Variants in ENTHD1 observed in about 807,000 individuals in gnomAD.
ENTHD1 encodes ENTH domain-containing protein 1.
A neutral mutation model predicts 39.1 loss-of-function variants in ENTHD1; 23 were observed. That is an observed-to-expected ratio of 0.59 (90% CI 0.42 to 0.83). ENTHD1 has a LOEUF of 0.83. Ranked by LOEUF, ENTHD1 falls within the 40% of genes least tolerant of loss-of-function variation. The pLI is 0.00. For missense variants in ENTHD1, 624 were observed against 705.4 expected (o/e 0.88, Z 1.31); for synonymous variants, 230 against 258.2 (o/e 0.89, Z 1.05).
rs535890719 is a variant in ENTHD1, at chr22:39,749,897, C to T, written c.1220-5614G>A. ...CCCTCAGTGAGGTCATCGTTACTGCCTGTGGCCTGCAAGCTAAGGTGTGCG... is the reference window on the plus strand; with the variant it reads ...CCCTCAGTGAGGTCATCGTTACTGCTTGTGGCCTGCAAGCTAAGGTGTGCG... On this transcript the variant is annotated intron_variant, in intron 6 of 6. Coordinates refer to ENST00000325157, the MANE Select transcript of ENTHD1 (RefSeq NM_152512.4). Among the ~76,000 whole-genome samples the T allele has an allele frequency of 4.6e-5, 7 of 152,326 alleles. 1 individual carries two copies. The highest frequency in any genetic ancestry group is 1.2e-4 in the African/African-American group (5 of 41,556).
intron 3 of ENTHD1, among the ~76,000 whole-genome samples, chr22:39,861,014 T>C (rs2066135328): frequency 6.6e-6 from 1 of 152,230 alleles, no homozygotes; most frequent in Non-Finnish European, 1.5e-5. Flanking sequence ...TTTAGGATTC[T>C]GAAGCATACT....
At chr22:39,891,621 T>A (rs181701278) in intron 1 of ENTHD1, among the ~76,000 whole-genome samples, 9,315 of 150,908 alleles carry the variant, frequency 0.062, 396 homozygotes, top group South Asian at 0.13. Flanking sequence ...AAAAAAAAAA[T>A]TTTATTTTTT....
chr22:39,890,430 T>C (rs2066417785), intron 1 of ENTHD1, among the ~76,000 whole-genome samples: 1 of 152,138 alleles, frequency 6.6e-6, no homozygotes, highest in Non-Finnish European at 1.5e-5. Context: ...CACTATGACA[T>C]TGGCTTAGAG....
At chr22:39,788,179 C>CAGTG (rs1245633658) in intron 5 of ENTHD1, among the ~76,000 whole-genome samples, 2 of 152,178 alleles carry the variant, frequency 1.3e-5, no homozygotes, top group Non-Finnish European at 2.9e-5. Context: ...CTGCCTTAGA[C>CAGTG]AGTGATTCCT....
At chr22:39,780,787 A>G (rs2065403176) in intron 5 of ENTHD1, among the ~76,000 whole-genome samples, 2 of 152,200 alleles carry the variant, frequency 1.3e-5, no homozygotes, top group Admixed American at 1.3e-4. Context: ...TCATGAGGTC[A>G]GGAGATTGAG....
chr22:39,801,983 C>T (rs2065602225), intron 5 of ENTHD1, among the ~76,000 whole-genome samples: 1 of 151,980 alleles, frequency 6.6e-6, no homozygotes, highest in South Asian at 2.1e-4. Flanking sequence ...TATTTTAGTG[C>T]ATTGATGTTT....
At chr22:39,874,722 A>G (rs578024770) in intron 2 of ENTHD1, among the ~76,000 whole-genome samples, 1 of 152,366 alleles carries the variant, frequency 6.6e-6, no homozygotes, top group East Asian at 1.9e-4. Flanking sequence ...AGCAGGCAAT[A>G]CTTGAACAGG....
intron 6 of ENTHD1, among the ~76,000 whole-genome samples, chr22:39,745,017 G>C (rs747421993): frequency 6.6e-6 from 1 of 152,068 alleles, no homozygotes; most frequent in East Asian, 1.9e-4. Context: ...GAGAAACACT[G>C]TGTTCCTTCA....
chr22:39,890,099 A>AAAATAAATAAAT (rs202065437), intron 1 of ENTHD1, among the ~76,000 whole-genome samples: 4 of 139,552 alleles, frequency 2.9e-5, no homozygotes, highest in Non-Finnish European at 6.1e-5. Context: ...CTCTGTCTCA[A>AAAATAAATAAAT]AAATAAATAA....
chr22:39,749,619 CAG>C (rs2065133073), intron 6 of ENTHD1, among the ~76,000 whole-genome samples: 1 of 152,222 alleles, frequency 6.6e-6, no homozygotes. Flanking sequence ...CACTGTAAAA[CAG>C]AGAAGTTTTT....
intron 5 of ENTHD1, among the ~76,000 whole-genome samples, chr22:39,796,913 G>A (rs183907195): frequency 1.3e-5 from 2 of 152,100 alleles, no homozygotes; most frequent in East Asian, 1.9e-4. Flanking sequence ...AAAATACAAC[G>A]TTTCTTTTTG....
Position 39,743,601 on chromosome 22 carries a change from A to C in ENTHD1, c.*78T>G. 4.9e-6 allele frequency: 7 copies of C among 1,415,226 alleles called. No homozygotes were observed. The highest frequency in any genetic ancestry group is 6.5e-6 in the Non-Finnish European group (7 of 1,079,690). The allele number at this position is 1,415,226 out of a possible 1,614,324, so 87.7% of individuals were successfully genotyped here. A position where few individuals can be genotyped will look rare whatever the true frequency, so the allele number is the denominator to read the frequency against. On this transcript the variant is annotated 3_prime_UTR_variant, in exon 7 of 7. Transcript: ENST00000325157. ...CCATCCCCTTTTTTGCCATAATAAT[A>C]TGAATTTATACAATGCTAACGTAAG... is the stretch of plus-strand genomic sequence containing the variant.
intron 3 of ENTHD1, among the ~76,000 whole-genome samples, chr22:39,843,862 G>A (rs935270716): frequency 6.6e-6 from 1 of 152,158 alleles, no homozygotes; most frequent in Admixed American, 6.5e-5. Context: ...ATTCAGTTGA[G>A]AGCCCACAGC....
intron 3 of ENTHD1, 122 bp from the exon 4 acceptor site, chr22:39,836,080 CA>C: frequency 1.7e-6 from 1 of 604,076 alleles, no homozygotes; most frequent in Non-Finnish European, 2.8e-6. Context: ...AAATATAAAC[CA>C]TCTGCCAGTG....
Position 39,783,835 on chromosome 22 carries a change from T to G in ENTHD1, c.833-18226A>C, listed in dbSNP as rs138443940. 7.2e-5 allele frequency among the ~76,000 whole-genome samples: 11 copies of G among 152,314 alleles called. No individual in the cohort carries two copies. In the East Asian group the frequency reaches 2.1e-3, roughly 29 times the overall value. ...GGGGAAACACTCTAGGACATGGGCCTGGGCAAAGATTTTTTGTGTTAAGAC... is the reference window on the plus strand; with the variant it reads ...GGGGAAACACTCTAGGACATGGGCCGGGGCAAAGATTTTTTGTGTTAAGAC... On this transcript the variant is annotated intron_variant, in intron 5 of 6. Coordinates refer to ENST00000325157, the MANE Select transcript of ENTHD1 (RefSeq NM_152512.4).
At chr22:39,854,857 AC>A (rs1191825943) in intron 3 of ENTHD1, among the ~76,000 whole-genome samples, 8 of 152,214 alleles carry the variant, frequency 5.3e-5, no homozygotes, top group Non-Finnish European at 1.2e-4. Context: ...ATTCAATTTT[AC>A]ATTTCACTGT....
chr22:39,787,219 CTGTG>C (rs1175335480), intron 5 of ENTHD1, among the ~76,000 whole-genome samples: 2 of 152,124 alleles, frequency 1.3e-5, no homozygotes, highest in Non-Finnish European at 2.9e-5. Flanking sequence ...TCGATAAATG[CTGTG>C]TGTGTTCTGA....
At chr22:39,813,622 A>G (rs1441763202) in intron 5 of ENTHD1, among the ~76,000 whole-genome samples, 3 of 152,246 alleles carry the variant, frequency 2.0e-5, no homozygotes, top group Non-Finnish European at 4.4e-5. Flanking sequence ...CCTCTATCTT[A>G]ATGACAAAAT....
intron 5 of ENTHD1, among the ~76,000 whole-genome samples, chr22:39,819,592 G>A (rs184381637): frequency 6.6e-6 from 1 of 152,238 alleles, no homozygotes; most frequent in Admixed American, 6.5e-5. Context: ...GTTAGTGGGA[G>A]GGAGGGATGA....
Sources: gnomAD v4.1 joint callset for allele counts (sites outside exome capture counted in the v4.1 genomes callset) on GRCh38, gnomAD v4.1.1 for gene constraint, MANE v1.5 for transcripts, NCBI Gene and HGNC (gene_info 2026-07-23, HGNC 2026-07-21) for gene names.